Variants in AGAP1 observed in about 807,000 individuals in gnomAD.
The protein encoded by AGAP1 is ArfGAP with GTPase domain, ankyrin repeat and PH domain 1.
A neutral mutation model predicts 105.3 loss-of-function variants in AGAP1; 29 were observed. The observed-to-expected ratio is 0.28, with a 90% CI of 0.21 to 0.38. The LOEUF (loss-of-function observed/expected upper bound fraction) is 0.38. Among genes scored for constraint, AGAP1 ranks in the 10% least tolerant of loss-of-function variants. AGAP1 has a pLI of 1.00. For synonymous variants in AGAP1, 509 were observed against 485.9 expected (o/e 1.05, Z -0.63); for missense variants, 998 against 1,165.1 (o/e 0.86, Z 2.09).
intron 1 of AGAP1, among the ~76,000 whole-genome samples, chr2:235,644,170 G>A (rs1225838798): frequency 1.3e-5 from 2 of 152,244 alleles, no homozygotes; most frequent in Non-Finnish European, 1.5e-5. Context: ...TTCCGCTGCA[G>A]GTGGTTGGGA....
chr2:235,999,415 GTGA>G (rs1156907629), intron 13 of AGAP1, among the ~76,000 whole-genome samples: 1 of 145,064 alleles, frequency 6.9e-6, no homozygotes, highest in African/African-American at 2.5e-5. Flanking sequence ...GGTGGTGGTG[GTGA>G]TGATGGTGAG....
At chr2:236,079,245 C>A (rs1380572747) in intron 16 of AGAP1, among the ~76,000 whole-genome samples, 1 of 151,794 alleles carries the variant, frequency 6.6e-6, no homozygotes. Flanking sequence ...GCTGGCCAGG[C>A]ACGGTGGCTT....
intron 12 of AGAP1, among the ~76,000 whole-genome samples, chr2:235,948,416 C>G (rs184358071): frequency 1.3e-5 from 2 of 152,302 alleles, no homozygotes; most frequent in Admixed American, 1.3e-4. Flanking sequence ...AACTCCTGAG[C>G]TTCTGTGTTC....
At chr2:236,094,552 G>A (rs926154565) in intron 16 of AGAP1, among the ~76,000 whole-genome samples, 2 of 151,814 alleles carry the variant, frequency 1.3e-5, no homozygotes, top group Non-Finnish European at 2.9e-5. Flanking sequence ...AGGCTTCACC[G>A]TGTTGTTCAG....
Position 235,992,493 on chromosome 2 carries a change from T to C in AGAP1, c.1645+23870T>C, listed in dbSNP as rs1387292863. Among the ~76,000 whole-genome samples, 2 of 152,232 alleles carry C rather than the reference T, an allele frequency of 1.3e-5. No homozygotes were observed. Among genetic ancestry groups the C allele is most frequent in the Admixed American group, 6.5e-5 (1 of 15,288 alleles). ...TTCCTTTCTGAGGATTCAGTTCTTA[T>C]AGACTACAGTATTACTCGTGGGAGC... On this transcript the variant is annotated intron_variant, in intron 13 of 17. Transcript: ENST00000304032. This position sits in a 1 kb window ranked among gnomAD's most constrained non-coding sequence, Gnocchi z 4.8.
chr2:235,923,887 A>T (rs56038407), intron 11 of AGAP1, among the ~76,000 whole-genome samples: 48,542 of 152,112 alleles, frequency 0.32, 8,773 homozygotes, highest in Admixed American at 0.46. Flanking sequence ...GGAGGAAAAA[A>T]AAAGAAGTGG....
rs749190262 is a variant in AGAP1, at chr2:236,121,179, C to T, written c.2370+732C>T. Among the ~76,000 whole-genome samples the T allele has an allele frequency of 2.0e-5, 3 of 152,258 alleles. No individual in the cohort carries two copies. The highest frequency in any genetic ancestry group is 7.2e-5 in the African/African-American group (3 of 41,470). On this transcript the variant is annotated intron_variant, in intron 17 of 17. Transcript: ENST00000304032. This position sits in a 1 kb window ranked among gnomAD's most constrained non-coding sequence, Gnocchi z 4.9. ...GGAGACAGCACCCAGAGGTGGGACA[C>T]CCAGCTGGAGGCTCTTCTGTCTCCA...
chr2:236,053,524 T>A lies in AGAP1; in HGVS notation c.2114+4243T>A, dbSNP rs2057968527. On this transcript the variant is annotated intron_variant, in intron 16 of 17. Transcript: ENST00000304032. The surrounding 1 kb of genome is among the most constrained non-coding windows in gnomAD (Gnocchi z 4.6). ...TTGTCCCCATTGCACTTAAAAACAT[T>A]TGGGATTGGCTGCAGTGCAAGTGAT... Among the ~76,000 whole-genome samples the A allele has an allele frequency of 6.6e-6, 1 of 152,236 alleles. No homozygotes were observed. Among genetic ancestry groups the A allele is most frequent in the African/African-American group, 2.4e-5 (1 of 41,470 alleles).
chr2:235,938,847 C>T (rs561153292), intron 12 of AGAP1, among the ~76,000 whole-genome samples: 5 of 152,228 alleles, frequency 3.3e-5, no homozygotes, highest in African/African-American at 1.2e-4. Context: ...GGAGGACCCT[C>T]TCAGGAAGGC....
chr2:235,963,489 C>T lies in AGAP1; in HGVS notation c.1484-4973C>T, dbSNP rs545122580. Among the ~76,000 whole-genome samples, 3 of 152,266 alleles carry T rather than the reference C, an allele frequency of 2.0e-5. No homozygotes were observed. The highest frequency in any genetic ancestry group is 4.1e-4 in the South Asian group (2 of 4,820). On this transcript the variant is annotated intron_variant, in intron 12 of 17. Transcript: ENST00000304032. The surrounding 1 kb of genome is among the most constrained non-coding windows in gnomAD (Gnocchi z 5.1). ...AGACATCAAATAGATGGCCCTTTAT[C>T]GTTTTCAGTTGTCAAAAATACGTGT...
intron 1 of AGAP1, among the ~76,000 whole-genome samples, chr2:235,528,442 T>C (rs1002716399): frequency 6.6e-6 from 1 of 150,856 alleles, no homozygotes; most frequent in Non-Finnish European, 1.5e-5. Flanking sequence ...TTTTGGCTGA[T>C]TTCAGATCTA....
At chr2:235,997,893 C>T (rs1422284555) in intron 13 of AGAP1, among the ~76,000 whole-genome samples, 1 of 152,014 alleles carries the variant, frequency 6.6e-6, no homozygotes, top group Non-Finnish European at 1.5e-5. Flanking sequence ...CCACAGTCGT[C>T]TTCCACGTAG....
intron 1 of AGAP1, among the ~76,000 whole-genome samples, chr2:235,579,728 A>G (rs373201247): frequency 5.9e-5 from 9 of 151,664 alleles, no homozygotes; most frequent in African/African-American, 1.9e-4. Context: ...GTGAGTGGAG[A>G]TGGCACCACT....
intron 1 of AGAP1, chr2:235,670,462 C>T (rs954235397): frequency 5.7e-6 from 3 of 528,462 alleles, no homozygotes; most frequent in South Asian, 2.2e-5. Flanking sequence ...CGGACCTGGC[C>T]GGCAGCGCCC....
chr2:235,684,311 T>C (rs1949262766), intron 1 of AGAP1, among the ~76,000 whole-genome samples: 1 of 152,198 alleles, frequency 6.6e-6, no homozygotes, highest in Non-Finnish European at 1.5e-5. Flanking sequence ...CCCAAAGTGC[T>C]GGGATTACAG....
At chr2:235,996,881 T>C (rs938253399) in intron 13 of AGAP1, among the ~76,000 whole-genome samples, 1 of 152,230 alleles carries the variant, frequency 6.6e-6, no homozygotes, top group Non-Finnish European at 1.5e-5. Flanking sequence ...TCCTTGCCAA[T>C]TTTTTCACTT....
At chr2:236,108,240 A>C (rs1013994120) in intron 16 of AGAP1, among the ~76,000 whole-genome samples, 1 of 152,216 alleles carries the variant, frequency 6.6e-6, no homozygotes, top group Non-Finnish European at 1.5e-5. Context: ...CTACCGAGAA[A>C]GGAAGCCCCT....
chr2:235,954,195 C>T (rs953088737), intron 12 of AGAP1, among the ~76,000 whole-genome samples: 3 of 150,798 alleles, frequency 2.0e-5, no homozygotes, highest in African/African-American at 7.4e-5. Flanking sequence ...GCCGAGGTCA[C>T]GCCATTGCAC....
In AGAP1 at chr2:235,494,906, G is replaced by A. The variant is rs1259801848; in HGVS notation, c.163+57G>A. On this transcript the variant is annotated intron_variant, in intron 1 of 17. Coordinates refer to ENST00000304032, the MANE Select transcript of AGAP1 (RefSeq NM_001037131.3). ...AGGCACGGACGCCCGCGGCGCGGCGGGGGTGTGCGCTGTGTGCGTGCGGGT... is the reference window on the plus strand; with the variant it reads ...AGGCACGGACGCCCGCGGCGCGGCGAGGGTGTGCGCTGTGTGCGTGCGGGT... 4.0e-6 allele frequency: 6 copies of A among 1,504,782 alleles called. No homozygotes were observed. The Admixed American group carries it at 6.5e-5, about 16-fold the overall frequency. The allele number at this position is 1,504,782 out of a possible 1,614,324, so 93.2% of individuals were successfully genotyped here.
Sources: gnomAD v4.1 joint callset for allele counts (sites outside exome capture counted in the v4.1 genomes callset) on GRCh38, gnomAD v4.1.1 for gene constraint, Gnocchi (gnomAD v3.1) non-coding constraint, MANE v1.5 for transcripts, NCBI Gene and HGNC (gene_info 2026-07-23, HGNC 2026-07-21) for gene names.